NAALADL2: variants seen among roughly 807,000 people sequenced by gnomAD.
NAALADL2 encodes the protein N-acetylated alpha-linked acidic dipeptidase like 2, also known as inactive N-acetylated-alpha-linked acidic dipeptidase-like protein 2.
A neutral mutation model predicts 87.2 loss-of-function variants in NAALADL2; 76 were observed. The ratio of observed to expected loss-of-function variants is 0.87; its 90% CI spans 0.72 to 1.05. The LOEUF is 1.05. Ranked by LOEUF, NAALADL2 falls within the 50% of genes least tolerant of loss-of-function variation. The probability of loss-of-function intolerance (pLI) is 0.00; values close to 1 mark genes in which losing one functional copy is unlikely to be tolerated. For missense variants in NAALADL2, 1,089 were observed against 945.8 expected (o/e 1.15, Z -1.99); for synonymous variants, 354 against 331.0 (o/e 1.07, Z -0.75).
chr3:175,578,654 G>A (rs142318062), intron 10 of NAALADL2, among the ~76,000 whole-genome samples: 81 of 152,266 alleles, frequency 5.3e-4, no homozygotes, highest in African/African-American at 1.9e-3. Context: ...TTAATAAATG[G>A]CCAAGACAGA....
intron 1 of NAALADL2, among the ~76,000 whole-genome samples, chr3:175,054,844 T>A (rs980674359): frequency 2.6e-5 from 4 of 152,344 alleles, no homozygotes; most frequent in African/African-American, 9.6e-5. Context: ...GCTCTGGAAT[T>A]ATAACTTGTA....
intron 13 of NAALADL2, among the ~76,000 whole-genome samples, chr3:175,783,388 G>A (rs1206715989): frequency 6.6e-6 from 1 of 151,136 alleles, no homozygotes; most frequent in East Asian, 1.9e-4. Flanking sequence ...TCCTTGAGCA[G>A]TGGTTTGTAG....
At chr3:174,636,073 G>T (rs1332846461) in intron 2 of NAALADL2, among the ~76,000 whole-genome samples, 1 of 152,018 alleles carries the variant, frequency 6.6e-6, no homozygotes, top group Non-Finnish European at 1.5e-5. Flanking sequence ...CATGTTGAAG[G>T]CTGAACAAAA....
intron 9 of NAALADL2, among the ~76,000 whole-genome samples, chr3:175,503,786 T>G (rs1301752567): frequency 6.6e-6 from 1 of 152,194 alleles, no homozygotes; most frequent in African/African-American, 2.4e-5. Flanking sequence ...GTTTGGTTTT[T>G]GCTTGCAAAT....
intron 2 of NAALADL2, among the ~76,000 whole-genome samples, chr3:174,555,666 G>T (rs190647992): frequency 6.6e-6 from 1 of 152,248 alleles, no homozygotes; most frequent in Admixed American, 6.5e-5. Context: ...TGATCTGATG[G>T]TAATAAACTG....
chr3:175,356,169 T>A (rs144729276), intron 5 of NAALADL2, among the ~76,000 whole-genome samples: 1 of 152,042 alleles, frequency 6.6e-6, no homozygotes, highest in East Asian at 1.9e-4. Flanking sequence ...GAGGAGTAGG[T>A]GGTAAAATGC....
intron 5 of NAALADL2, among the ~76,000 whole-genome samples, chr3:175,416,428 G>C (rs1714648869): frequency 6.6e-6 from 1 of 152,190 alleles, no homozygotes; most frequent in East Asian, 1.9e-4. Context: ...TGTTTTAATT[G>C]AATCACCACT....
At chr3:174,879,409 C>T (rs1449521613) in intron 1 of NAALADL2, among the ~76,000 whole-genome samples, 1 of 152,002 alleles carries the variant, frequency 6.6e-6, no homozygotes, top group African/African-American at 2.4e-5. Context: ...TGTTCAATGA[C>T]TTTGTCTTTA....
chr3:174,470,102 T>C (rs868583190), intron 1 of NAALADL2, among the ~76,000 whole-genome samples: 1 of 152,066 alleles, frequency 6.6e-6, no homozygotes, highest in Non-Finnish European at 1.5e-5. Context: ...TATATATCCA[T>C]ACAGGAATTT....
chr3:175,649,073 C>G (rs1436909739), intron 11 of NAALADL2, among the ~76,000 whole-genome samples: 3 of 152,020 alleles, frequency 2.0e-5, no homozygotes, highest in African/African-American at 4.8e-5. Flanking sequence ...GACTTGGATG[C>G]CTGTGAGAAC....
intron 3 of NAALADL2, among the ~76,000 whole-genome samples, chr3:174,821,496 A>G (rs1721413953): frequency 6.6e-6 from 1 of 152,144 alleles, no homozygotes; most frequent in Non-Finnish European, 1.5e-5. Flanking sequence ...ATTGTTTTAA[A>G]ATGTGATGTT....
At chr3:175,114,810 G>A (rs977194445) in intron 2 of NAALADL2, among the ~76,000 whole-genome samples, 2 of 151,552 alleles carry the variant, frequency 1.3e-5, no homozygotes, top group African/African-American at 2.4e-5. Context: ...TTGTGGAATG[G>A]GAGGCTTAGA....
At chr3:175,763,167 A>G (rs1232388425) in intron 13 of NAALADL2, among the ~76,000 whole-genome samples, 1 of 152,134 alleles carries the variant, frequency 6.6e-6, no homozygotes, top group African/African-American at 2.4e-5. Flanking sequence ...GGGACTCTAA[A>G]TGACAAACTT....
chr3:175,355,204 G>C (rs553794147), intron 5 of NAALADL2, among the ~76,000 whole-genome samples: 77 of 151,792 alleles, frequency 5.1e-4, no homozygotes, highest in Admixed American at 8.5e-4. Context: ...AAGCAGCTGG[G>C]ACTACAGGTG....
intron 2 of NAALADL2, among the ~76,000 whole-genome samples, chr3:175,162,906 A>G (rs372788047): frequency 2.0e-5 from 3 of 152,150 alleles, no homozygotes; most frequent in Admixed American, 6.6e-5. Context: ...CCATACAAAT[A>G]TATAATCTCT....
intron 3 of NAALADL2, chr3:174,737,772 T>C (rs940258088): frequency 6.6e-6 from 1 of 152,236 alleles, no homozygotes; most frequent in Non-Finnish European, 1.5e-5. Context: ...TTTAATTAGA[T>C]TGTAGGACTT....
intron 9 of NAALADL2, among the ~76,000 whole-genome samples, chr3:175,563,499 T>C (rs62288393): frequency 0.13 from 19,663 of 152,162 alleles, 1,356 homozygotes; most frequent in Middle Eastern, 0.17. Flanking sequence ...TTTTCAGGTC[T>C]AAGCCTACTC....
chr3:174,957,565 G>A (rs898957618), intron 1 of NAALADL2, among the ~76,000 whole-genome samples: 5 of 151,716 alleles, frequency 3.3e-5, no homozygotes, highest in Admixed American at 3.3e-4. Context: ...TGAGAAGGAA[G>A]ACCCAATAGA....
At chr3:174,449,057 T>C (rs1244071648) in intron 1 of NAALADL2, among the ~76,000 whole-genome samples, 1 of 152,174 alleles carries the variant, frequency 6.6e-6, no homozygotes, top group African/African-American at 2.4e-5. Flanking sequence ...TAACAGATAG[T>C]GTCATCTGTG....
Sources: allele counts gnomAD v4.1 joint callset (sites outside exome capture counted in the v4.1 genomes callset), GRCh38; gene constraint gnomAD v4.1.1; transcripts MANE v1.5; gene names NCBI Gene and HGNC (gene_info 2026-07-23, HGNC 2026-07-21).